The following VRK1 variants were observed in gnomAD, a reference collection of about 807,000 sequenced individuals.
The protein encoded by VRK1 is VRK serine/threonine kinase 1.
VRK1 carries 33 observed loss-of-function variants against 57.1 expected under a neutral mutation model. That is an observed-to-expected ratio of 0.58 (90% CI 0.44 to 0.77). VRK1 has a LOEUF of 0.77. Ranked by LOEUF, VRK1 falls within the 30% of genes least tolerant of loss-of-function variation. VRK1 has a pLI of 0.00. For synonymous variants in VRK1, 137 were observed against 147.8 expected (o/e 0.93, Z 0.53); for missense variants, 413 against 477.3 (o/e 0.87, Z 1.25).
chr14:96,806,687 C>T lies in VRK1; in HGVS notation c.-6+9240C>T, dbSNP rs1385845368. Among the ~76,000 whole-genome samples the T allele has an allele frequency of 2.6e-5, 4 of 152,146 alleles. 1 individual carries two copies. In the East Asian group the frequency reaches 5.8e-4, roughly 22 times the overall value. On this transcript the variant is annotated intron_variant, in intron 1 of 12. Coordinates refer to ENST00000216639, the MANE Select transcript of VRK1 (RefSeq NM_003384.3). ...GAGTCATTTGGTGTAATGTCTGGCCCACAGTAAGTGTTCAATAAATGTTTG... is the reference window on the plus strand; with the variant it reads ...GAGTCATTTGGTGTAATGTCTGGCCTACAGTAAGTGTTCAATAAATGTTTG...
intron 5 of VRK1, among the ~76,000 whole-genome samples, chr14:96,851,419 G>C (rs951604610): frequency 1.3e-5 from 2 of 152,116 alleles, no homozygotes; most frequent in African/African-American, 2.4e-5. Flanking sequence ...GAGATTACTG[G>C]CGTGAACTAC....
At chr14:96,841,063 G>T (rs1303068622) in intron 3 of VRK1, among the ~76,000 whole-genome samples, 2 of 151,920 alleles carry the variant, frequency 1.3e-5, no homozygotes, top group South Asian at 2.1e-4. Context: ...TTGCTTTGTT[G>T]CCCAGGCTGG....
chr14:96,859,558 G>A (rs528885887), intron 10 of VRK1, among the ~76,000 whole-genome samples: 3 of 152,054 alleles, frequency 2.0e-5, no homozygotes, highest in Non-Finnish European at 2.9e-5. Context: ...ATTGTTGTCC[G>A]TTTTTTTCTT....
chr14:96,841,003 G>T (rs1466298240), intron 3 of VRK1, among the ~76,000 whole-genome samples: 1 of 151,848 alleles, frequency 6.6e-6, no homozygotes, highest in East Asian at 1.9e-4. Flanking sequence ...CTAAAGGCAC[G>T]CACCACCATG....
chr14:96,826,537 C>A (rs1886805870), intron 1 of VRK1, among the ~76,000 whole-genome samples: 1 of 152,028 alleles, frequency 6.6e-6, no homozygotes, highest in Non-Finnish European at 1.5e-5. Context: ...TTCTTTGAAA[C>A]CTCTCTGTTG....
intron 1 of VRK1, among the ~76,000 whole-genome samples, chr14:96,822,888 C>T (rs376827221): frequency 2.0e-5 from 3 of 152,226 alleles, no homozygotes; most frequent in African/African-American, 7.2e-5. Flanking sequence ...ACTTGATCTC[C>T]TGCTTCCCCC....
intron 1 of VRK1, among the ~76,000 whole-genome samples, chr14:96,824,112 G>T (rs1886710574): frequency 6.6e-6 from 1 of 152,098 alleles, no homozygotes; most frequent in Admixed American, 6.5e-5. Flanking sequence ...ATTTTATTGA[G>T]TAGCACATTT....
chr14:96,874,563 A>T (rs1888952684), intron 11 of VRK1, among the ~76,000 whole-genome samples: 1 of 152,210 alleles, frequency 6.6e-6, no homozygotes, highest in Non-Finnish European at 1.5e-5. Context: ...TTTGAGAGGC[A>T]ATACCCCCAT....
intron 7 of VRK1, among the ~76,000 whole-genome samples, chr14:96,854,502 T>C (rs2139799786): frequency 6.6e-6 from 1 of 152,296 alleles, no homozygotes; most frequent in South Asian, 2.1e-4. Flanking sequence ...ATTAGAGATG[T>C]AATGTGTGGC....
At chr14:96,842,479 C>T (rs1053559211) in intron 3 of VRK1, among the ~76,000 whole-genome samples, 3 of 152,032 alleles carry the variant, frequency 2.0e-5, no homozygotes, top group Admixed American at 6.6e-5. Flanking sequence ...TCTAAAAAAG[C>T]AGGATACAAA....
chr14:96,827,226 C>T (rs1886832116), intron 1 of VRK1, among the ~76,000 whole-genome samples: 1 of 152,088 alleles, frequency 6.6e-6, no homozygotes, highest in African/African-American at 2.4e-5. Context: ...TGCCTCTCAA[C>T]TCCAAATTCA....
chr14:96,820,930 C>A (rs766506837), intron 1 of VRK1, among the ~76,000 whole-genome samples: 2 of 152,158 alleles, frequency 1.3e-5, no homozygotes, highest in Non-Finnish European at 2.9e-5. Flanking sequence ...CTCTTGATAT[C>A]TTAAACACTT....
At chr14:96,835,126 G>C (rs149300469) in intron 2 of VRK1, among the ~76,000 whole-genome samples, 7 of 152,192 alleles carry the variant, frequency 4.6e-5, no homozygotes, top group Non-Finnish European at 1.0e-4. Flanking sequence ...GTAAGGTTGG[G>C]ATGACTAATC....
rs559683283 is a variant in VRK1 at position 96,838,612 on chromosome 14, C to G, written c.216+795C>G. Among the ~76,000 whole-genome samples, 11 of 152,256 alleles carry G rather than the reference C, an allele frequency of 7.2e-5. No homozygotes were observed. In the East Asian group the frequency reaches 7.7e-4, roughly 11 times the overall value. ...ATTAGGGTTCTCTAGAGGGACAGAA[C>G]TAATGGGATAGATGTACATATGAAG... On this transcript the variant is annotated intron_variant, in intron 3 of 12. Coordinates refer to ENST00000216639, the MANE Select transcript of VRK1 (RefSeq NM_003384.3).
intron 11 of VRK1, among the ~76,000 whole-genome samples, chr14:96,862,693 A>G (rs1318778988): frequency 6.6e-6 from 1 of 152,130 alleles, no homozygotes; most frequent in Non-Finnish European, 1.5e-5. Context: ...TTCTCCTTTG[A>G]GAAACTAGCT....
At chr14:96,853,234 A>G in intron 7 of VRK1, 68 bp downstream of exon 7, 1 of 1,400,952 alleles carries the variant, frequency 7.1e-7, no homozygotes, top group South Asian at 1.2e-5. Context: ...GTTGCTTTGA[A>G]CTTTTGAACC....
At chr14:96,820,290 C>T (rs998151260) in intron 1 of VRK1, among the ~76,000 whole-genome samples, 1 of 151,936 alleles carries the variant, frequency 6.6e-6, no homozygotes, top group African/African-American at 2.4e-5. Flanking sequence ...TTTTCACCTT[C>T]CCAATTTGCT....
intron 1 of VRK1, among the ~76,000 whole-genome samples, chr14:96,803,060 T>C (rs117724729): frequency 6.6e-6 from 1 of 152,204 alleles, no homozygotes; most frequent in African/African-American, 2.4e-5. Context: ...ACCAGCTAGT[T>C]AGTCACTCTT....
chr14:96,877,225 G>C (rs185321195), intron 12 of VRK1, among the ~76,000 whole-genome samples: 1 of 152,068 alleles, frequency 6.6e-6, no homozygotes, highest in Non-Finnish European at 1.5e-5. Flanking sequence ...AGTGACATTA[G>C]TGCATGTTTG....
Sources: gnomAD v4.1 joint callset for allele counts (sites outside exome capture counted in the v4.1 genomes callset) on GRCh38, gnomAD v4.1.1 for gene constraint, MANE v1.5 for transcripts, NCBI Gene and HGNC (gene_info 2026-07-23, HGNC 2026-07-21) for gene names.